Variants in CHD6 observed in about 807,000 individuals in gnomAD.
CHD6 encodes chromodomain helicase DNA binding protein 6.
CHD6 carries 50 observed loss-of-function variants against 276.9 expected under a neutral mutation model. The observed-to-expected ratio is 0.18, with a 90% CI of 0.14 to 0.23. The LOEUF is 0.23. CHD6 is among the 10% of genes least tolerant of loss of function. CHD6 has a pLI of 1.00. For synonymous variants in CHD6, 1,173 were observed against 1,229.3 expected, an observed-to-expected ratio of 0.95 and a Z score of 0.96; for missense variants, 2,564 against 3,365.8, an observed-to-expected ratio of 0.76 and a Z score of 5.89.
rs73613217 is a variant in CHD6 at position 41,587,738 on chromosome 20, T to G, written c.-24+30602A>C. 1.6e-3 allele frequency among the ~76,000 whole-genome samples: 237 copies of G among 152,154 alleles called. 2 individuals carry two copies. Among genetic ancestry groups the G allele is most frequent in the East Asian group, 0.013 (68 of 5,156 alleles). On this transcript the variant is annotated intron_variant, in intron 1 of 36. Coordinates refer to ENST00000373233, the MANE Select transcript of CHD6 (RefSeq NM_032221.5). ...CTCCTATTAATAACGCAGTGACACA[T>G]CTAACTGACCAGAGTTGGACTGCCT...
intron 17 of CHD6, among the ~76,000 whole-genome samples, chr20:41,468,356 C>T (rs953973611): frequency 1.3e-5 from 2 of 152,072 alleles, no homozygotes; most frequent in Non-Finnish European, 2.9e-5. Context: ...GTGATCTGCC[C>T]GCCTCGGCCT....
At chr20:41,507,595 C>T (rs1265796380) in intron 5 of CHD6, among the ~76,000 whole-genome samples, 4 of 152,028 alleles carry the variant, frequency 2.6e-5, no homozygotes, top group African/African-American at 4.8e-5. Flanking sequence ...TGCGTAAGTA[C>T]GATCATGTGT....
chr20:41,607,243 C>G (rs1228884106), intron 1 of CHD6, among the ~76,000 whole-genome samples: 1 of 152,218 alleles, frequency 6.6e-6, no homozygotes, highest in Non-Finnish European at 1.5e-5. Flanking sequence ...TTCAAGTACC[C>G]ATTTAAAAGG....
intron 1 of CHD6, among the ~76,000 whole-genome samples, chr20:41,577,113 C>A (rs1262659854): frequency 6.6e-6 from 1 of 152,112 alleles, no homozygotes; most frequent in African/African-American, 2.4e-5. Context: ...ACTTCAACAA[C>A]AACAAAAAAT....
rs544475387 is a variant in CHD6, at chr20:41,608,799, G to A, written c.-24+9541C>T. Among the ~76,000 whole-genome samples the A allele has an allele frequency of 5.3e-5, 8 of 152,212 alleles. No individual in the cohort carries two copies. The South Asian group carries it at 1.2e-3, about 24-fold the overall frequency. On this transcript the variant is annotated intron_variant, in intron 1 of 36. Transcript: ENST00000373233. ...AATGATGGTGACCTGTGTAAGACCC[G>A]ATAACACTTAAATCTGCCACAACCA...
chr20:41,604,000 G>A (rs1209516319), intron 1 of CHD6, among the ~76,000 whole-genome samples: 1 of 149,782 alleles, frequency 6.7e-6, no homozygotes, highest in Non-Finnish European at 1.5e-5. Flanking sequence ...GTGTGCGCAT[G>A]CGTGTTTGTA....
chr20:41,487,579 TA>T, intron 14 of CHD6, 85 bp downstream of exon 14: 2 of 1,338,938 alleles, frequency 1.5e-6, no homozygotes, highest in Non-Finnish European at 2.1e-6. Context: ...GACAACTTGC[TA>T]AATCCTGGCC....
At chr20:41,451,475 C>T (rs1284312896) in intron 22 of CHD6, among the ~76,000 whole-genome samples, 1 of 152,102 alleles carries the variant, frequency 6.6e-6, no homozygotes, top group Non-Finnish European at 1.5e-5. Context: ...GAATGTAGCA[C>T]AAGAAAAGGC....
At chr20:41,464,222 C>G (rs1040860158) in intron 17 of CHD6, among the ~76,000 whole-genome samples, 1 of 152,162 alleles carries the variant, frequency 6.6e-6, no homozygotes, top group African/African-American at 2.4e-5. Context: ...CAGCTAGATT[C>G]AATTGTTTCA....
At chr20:41,616,419 G>A (rs972054451) in intron 1 of CHD6, among the ~76,000 whole-genome samples, 1 of 152,134 alleles carries the variant, frequency 6.6e-6, no homozygotes, top group African/African-American at 2.4e-5. Flanking sequence ...ACTCAATTTC[G>A]CAACAGATCT....
At chr20:41,558,662 A>G (rs1017827800) in intron 1 of CHD6, among the ~76,000 whole-genome samples, 1 of 152,098 alleles carries the variant, frequency 6.6e-6, no homozygotes, top group Admixed American at 6.6e-5. Flanking sequence ...ACAGTGCCTC[A>G]TCTCCTGGGG....
intron 27 of CHD6, among the ~76,000 whole-genome samples, chr20:41,430,410 A>G (rs1175213400): frequency 1.3e-5 from 2 of 152,326 alleles, no homozygotes; most frequent in East Asian, 3.9e-4. Flanking sequence ...TGATTAGCTA[A>G]GCATGTCCAG....
At chr20:41,454,855 T>C in intron 19 of CHD6, 119 bp from the exon 20 acceptor site, 7 of 544,082 alleles carry the variant, frequency 1.3e-5, no homozygotes, top group Non-Finnish European at 2.2e-5. Context: ...AATCAAACCC[T>C]TAACAGAGCT....
rs199644004 is a variant in CHD6, at chr20:41,445,750, C to T, written c.3792G>A (p.Leu1264=). 32 of 1,612,704 alleles carry T rather than the reference C, an allele frequency of 2.0e-5. No homozygotes were observed. Among genetic ancestry groups the T allele is most frequent in the Non-Finnish European group, 1.5e-5 (18 of 1,178,880 alleles). The part of the protein sequence containing the change: ...GSPARELDVP[L]PDIDYMEIPV... ...GGATCTCCATGTAGTCGATGTCAGGCAGAGGTACATCCAGCTCCCTAGGGA... is the reference window on the plus strand; with the variant it reads ...GGATCTCCATGTAGTCGATGTCAGGTAGAGGTACATCCAGCTCCCTAGGGA... Residue 1264 remains leucine (L), a synonymous_variant, in exon 25 of 37, where the codon CTG becomes CTA. Coordinates refer to ENST00000373233, the MANE Select transcript of CHD6 (RefSeq NM_032221.5).
At chr20:41,617,952 G>T (rs865784438) in intron 1 of CHD6, among the ~76,000 whole-genome samples, 1 of 146,582 alleles carries the variant, frequency 6.8e-6, no homozygotes, top group South Asian at 2.1e-4. Flanking sequence ...CGCCCCGGGG[G>T]GGGCCTCGGC....
intron 31 of CHD6, among the ~76,000 whole-genome samples, chr20:41,418,858 G>A (rs1206513916): frequency 6.6e-6 from 1 of 152,176 alleles, no homozygotes; most frequent in African/African-American, 2.4e-5. Context: ...GCTCACCAAA[G>A]CTTATTAAGG....
chr20:41,594,606 T>G (rs185598713), intron 1 of CHD6, among the ~76,000 whole-genome samples: 83 of 152,376 alleles, frequency 5.4e-4, no homozygotes, highest in Middle Eastern at 6.8e-3. Context: ...AATAAGTTCC[T>G]CTTCAAAGCT....
At chr20:41,575,364 C>A (rs1388429693) in intron 1 of CHD6, among the ~76,000 whole-genome samples, 2 of 152,132 alleles carry the variant, frequency 1.3e-5, no homozygotes, top group African/African-American at 4.8e-5. Flanking sequence ...ACACCCTCTA[C>A]CGGTAACAAT....
At chr20:41,422,342 G>A (rs2047221776) in intron 30 of CHD6, among the ~76,000 whole-genome samples, 1 of 152,272 alleles carries the variant, frequency 6.6e-6, no homozygotes, top group South Asian at 2.1e-4. Flanking sequence ...AAATAAGCAT[G>A]TACTAGGCCA....
Sources: gnomAD v4.1 joint callset for allele counts (sites outside exome capture counted in the v4.1 genomes callset) on GRCh38, gnomAD v4.1.1 for gene constraint, MANE v1.5 for transcripts, NCBI Gene and HGNC (gene_info 2026-07-23, HGNC 2026-07-21) for gene names.